The following SOS1 variants were observed in gnomAD, a reference collection of about 807,000 sequenced individuals.
SOS1 encodes the protein SOS Ras/Rac guanine nucleotide exchange factor 1.
In SOS1, 25 loss-of-function variants were observed where a neutral mutation model predicts 157.6. The ratio of observed to expected loss-of-function variants is 0.16; its 90% confidence interval spans 0.12 to 0.22. The LOEUF (loss-of-function observed/expected upper bound fraction) is 0.22. Among genes scored for constraint, SOS1 ranks in the 10% least tolerant of loss-of-function variants. The pLI is 1.00. For missense variants in SOS1, 1,237 were observed against 1,599.1 expected, an observed-to-expected ratio of 0.77 and a Z score of 3.86; for synonymous variants, 528 against 534.0, an observed-to-expected ratio of 0.99 and a Z score of 0.16.
intron 1 of SOS1, among the ~76,000 whole-genome samples, chr2:39,086,276 G>A (rs530973023): frequency 1.7e-4 from 26 of 152,322 alleles, no homozygotes; most frequent in African/African-American, 6.3e-4. Context: ...AAAGGAAGCA[G>A]ACTATATACA....
At chr2:39,120,215 T>G in intron 1 of SOS1, 121 bp downstream of exon 1, 3 of 871,308 alleles carry the variant, frequency 3.4e-6, no homozygotes, top group Non-Finnish European at 4.8e-6. Context: ...CGCCGTCCTT[T>G]TGGAGACGCG....
intron 2 of SOS1, among the ~76,000 whole-genome samples, chr2:39,067,205 G>T (rs901628602): frequency 6.6e-6 from 1 of 151,698 alleles, no homozygotes; most frequent in Admixed American, 6.6e-5. Flanking sequence ...TTAGAGATGG[G>T]GTCTCACTTT....
intron 1 of SOS1, among the ~76,000 whole-genome samples, chr2:39,116,635 T>C (rs888381860): frequency 9.2e-5 from 14 of 152,192 alleles, no homozygotes; most frequent in African/African-American, 3.4e-4. Context: ...TTTGGGAAGC[T>C]GAGGCAGGCA....
chr2:39,035,135 A>G lies in SOS1; in HGVS notation c.1074+77T>C, dbSNP rs117055044. On this transcript the variant is annotated intron_variant, in intron 8 of 22. Transcript: ENST00000402219. ...CACTAATGTGCAGGGTACTCACACAATAATTTACAAATGAAGTAGCAAAAA... is the reference window on the plus strand; with the variant it reads ...CACTAATGTGCAGGGTACTCACACAGTAATTTACAAATGAAGTAGCAAAAA... The G allele has an allele frequency of 3.2e-4, 298 of 917,066 alleles. 1 individual carries two copies. The East Asian group carries it at 7.2e-3, about 22-fold the overall frequency. 56.8% of individuals were successfully genotyped at this position (917,066 alleles called of 1,614,324 possible).
At chr2:39,100,898 A>C (rs1672942419) in intron 1 of SOS1, among the ~76,000 whole-genome samples, 1 of 152,216 alleles carries the variant, frequency 6.6e-6, no homozygotes, top group Admixed American at 6.5e-5. Flanking sequence ...CAGCTTGGGC[A>C]ACAGAGTGAG....
At chr2:39,107,766 C>G (rs923974925) in intron 1 of SOS1, among the ~76,000 whole-genome samples, 1 of 151,836 alleles carries the variant, frequency 6.6e-6, no homozygotes, top group African/African-American at 2.4e-5. Flanking sequence ...CATGACTATT[C>G]CAAAATTCTG....
At chr2:39,093,136 C>T (rs562504866) in intron 1 of SOS1, among the ~76,000 whole-genome samples, 21 of 152,158 alleles carry the variant, frequency 1.4e-4, no homozygotes, top group Non-Finnish European at 2.9e-4. Flanking sequence ...CTCTAACCTT[C>T]CAATGATCTT....
chr2:38,989,328 C>G lies in SOS1; in HGVS notation c.3347-14G>C. 1 of 1,590,634 alleles carries G rather than the reference C, an allele frequency of 6.3e-7. No homozygotes were observed. Among genetic ancestry groups the G allele is most frequent in the Non-Finnish European group, 8.6e-7 (1 of 1,159,272 alleles). On this transcript the variant is annotated splice_polypyrimidine_tract_variant and intron_variant, in intron 20 of 22. Transcript: ENST00000402219. ...CGGTATCATTGCCTGTGAAAGGAAACAAGAAAAAGTAGATTTTTTTCTTTC... is the reference window on the plus strand; with the variant it reads ...CGGTATCATTGCCTGTGAAAGGAAAGAAGAAAAAGTAGATTTTTTTCTTTC...
Position 39,114,578 on chromosome 2 carries a change from A to G in SOS1, c.87+5758T>C, listed in dbSNP as rs530985762. Among the ~76,000 whole-genome samples, 4 of 152,154 alleles carry G rather than the reference A, an allele frequency of 2.6e-5. No homozygotes were observed. The South Asian group carries it at 8.3e-4, about 32-fold the overall frequency. On this transcript the variant is annotated intron_variant, in intron 1 of 22. Transcript: ENST00000402219. ...CAGCCTCTCAAAGTGCTGGGATTAC[A>G]GGCGTGAGCCACCTGGCCCGGCTGA...
chr2:39,046,461 A>AT (rs1409129891), intron 6 of SOS1, among the ~76,000 whole-genome samples: 1 of 148,730 alleles, frequency 6.7e-6, no homozygotes, highest in Non-Finnish European at 1.5e-5. Flanking sequence ...ACACTTTCTA[A>AT]TTTTTTATTT....
At chr2:39,071,717 T>C (rs1671800384) in intron 1 of SOS1, among the ~76,000 whole-genome samples, 1 of 152,198 alleles carries the variant, frequency 6.6e-6, no homozygotes, top group Admixed American at 6.5e-5. Flanking sequence ...TAAAGTTCAC[T>C]GTTTTTCAAA....
At chr2:38,993,311 C>T (rs1382748467) in intron 20 of SOS1, 1 of 152,128 alleles carries the variant, frequency 6.6e-6, no homozygotes, top group African/African-American at 2.4e-5. Context: ...AGGTGCACAC[C>T]TCTCCTCTCA....
rs2148243995 is a variant in SOS1 at position 39,120,597 on chromosome 2, C to G, written c.-175G>C. 5.9e-6 allele frequency: 4 copies of G among 673,470 alleles called. No homozygotes were observed. Among genetic ancestry groups the G allele is most frequent in the Non-Finnish European group, 7.4e-6 (4 of 540,898 alleles). 41.7% of individuals were successfully genotyped at this position (673,470 alleles called of 1,614,324 possible). Reference sequence around the variant, plus strand: ...GGCGAGGGGGCTGGGGGGCGAGGCCCGCGCCTGGCCACCCACCCGACACAG... The same window carrying G: ...GGCGAGGGGGCTGGGGGGCGAGGCCGGCGCCTGGCCACCCACCCGACACAG... On this transcript the variant is annotated 5_prime_UTR_variant, in exon 1 of 23. Transcript: ENST00000402219.
In SOS1 at chr2:38,990,448, G is replaced by A. The variant is rs1224446482; in HGVS notation, c.3347-1134C>T. Among the ~76,000 whole-genome samples the A allele has an allele frequency of 7.2e-5, 11 of 152,056 alleles. 1 individual carries two copies. Among genetic ancestry groups the A allele is most frequent in the Admixed American group, 6.6e-4 (10 of 15,262 alleles). On this transcript the variant is annotated intron_variant, in intron 20 of 22. Transcript: ENST00000402219. ...AATTACATGAAGCTGTTGCTCTGCC[G>A]ATGATTTTCTTCCCTATTAGCCACC...
At chr2:39,012,849 T>C (rs1366253898) in intron 13 of SOS1, among the ~76,000 whole-genome samples, 2 of 152,162 alleles carry the variant, frequency 1.3e-5, no homozygotes, top group Non-Finnish European at 2.9e-5. Flanking sequence ...GAAAGTACTA[T>C]TATTTAACTA....
At chr2:39,102,650 G>C (rs71439242) in intron 1 of SOS1, among the ~76,000 whole-genome samples, 1 of 150,352 alleles carries the variant, frequency 6.7e-6, no homozygotes, top group African/African-American at 2.4e-5. Context: ...TTCTGGAAAA[G>C]AAAGACTGGT....
chr2:39,023,266 G>T, intron 9 of SOS1, 41 bp from the exon 10 acceptor site: 1 of 1,481,568 alleles, frequency 6.7e-7, no homozygotes, highest in African/African-American at 1.4e-5. Context: ...ATAGATGACA[G>T]AAAACCTAGA....
rs1553362230 is a variant in SOS1 at position 39,054,665 on chromosome 2, T to C, written c.669A>G (p.Ile223Met). ...RQYIRELNLI[I>M]KVFREPFVSN... is the part of the protein sequence containing the mutation. ...AGACAAAGGGCTCTCTAAAAACTTT[T>C]ATAATTAGATTTAGTTCCCTTATAT... The change falls in exon 5 of 23, where the codon ATA (isoleucine) becomes ATG (methionine). Residue 223 changes from isoleucine to methionine, a missense_variant. This residue lies in a region of SOS1 where 108 missense variants were observed against 115.3 expected (regional missense o/e 0.94). Transcript: ENST00000402219. 1.3e-6 allele frequency: 2 copies of C among 1,598,270 alleles called. No individual in the cohort carries two copies. The highest frequency in any genetic ancestry group is 1.7e-6 in the Non-Finnish European group (2 of 1,165,794).
chr2:39,004,586 A>G (rs1216577504), intron 17 of SOS1, among the ~76,000 whole-genome samples: 2 of 152,018 alleles, frequency 1.3e-5, no homozygotes, highest in Non-Finnish European at 2.9e-5. Context: ...GAAAGTCATA[A>G]AAAAAGCTAG....
Sources: gnomAD v4.1 joint callset for allele counts (sites outside exome capture counted in the v4.1 genomes callset) on GRCh38, gnomAD v4.1.1 for gene constraint, gnomAD v4.1.1 regional missense constraint, MANE v1.5 for transcripts, NCBI Gene and HGNC (gene_info 2026-07-23, HGNC 2026-07-21) for gene names.